The following KLHL4 variants were observed in gnomAD, a reference collection of about 807,000 sequenced individuals.
KLHL4 encodes the protein kelch-like protein 4.
A neutral mutation model predicts 45.8 loss-of-function variants in KLHL4; 17 were observed. The ratio of observed to expected loss-of-function variants is 0.37; its 90% CI spans 0.25 to 0.56. KLHL4 has a LOEUF of 0.56. Ranked by LOEUF, KLHL4 falls within the 20% of genes least tolerant of loss-of-function variation. The pLI is 0.79. For missense variants in KLHL4, 544 were observed against 544.9 expected (o/e 1.00, Z 0.02); for synonymous variants, 224 against 189.9 (o/e 1.18, Z -1.47).
chrX:87,568,652 T>G (rs1932272586), intron 1 of KLHL4, among the ~76,000 whole-genome samples: 1 of 110,876 alleles, frequency 9.0e-6, no homozygotes, highest in Non-Finnish European at 1.9e-5. Context: ...GATAGACATA[T>G]AGACCAACAA....
chrX:87,665,957 C>T (rs1307881947), intron 10 of KLHL4, among the ~76,000 whole-genome samples: 1 of 111,616 alleles, frequency 9.0e-6, no homozygotes. Context: ...AAAAAAATAT[C>T]ATGCAAGGTG....
intron 9 of KLHL4, among the ~76,000 whole-genome samples, chrX:87,647,805 A>G (rs1024896075): frequency 1.8e-5 from 2 of 111,223 alleles, no homozygotes; most frequent in Non-Finnish European, 3.8e-5. Context: ...AATAACCACT[A>G]AAGAAATTAT....
chrX:87,552,087 C>T (rs1429973921), intron 1 of KLHL4, among the ~76,000 whole-genome samples: 1 of 111,365 alleles, frequency 9.0e-6, no homozygotes, highest in Non-Finnish European at 1.9e-5. Flanking sequence ...GGCAAAAAAA[C>T]AGTCACCTGA....
chrX:87,635,199 G>C (rs1471540312), intron 8 of KLHL4, among the ~76,000 whole-genome samples: 1 of 111,834 alleles, frequency 8.9e-6, no homozygotes, highest in African/African-American at 3.2e-5. Context: ...TGCTAAAATT[G>C]TAAAGTTGTT....
intron 9 of KLHL4, among the ~76,000 whole-genome samples, chrX:87,659,150 C>T (rs1924099600): frequency 1.2e-5 from 1 of 80,459 alleles, no homozygotes; most frequent in Non-Finnish European, 2.2e-5. Context: ...GGTGGAGTCT[C>T]ACTCTGTCGC....
chrX:87,657,659 C>A (rs1179636782), intron 9 of KLHL4, among the ~76,000 whole-genome samples: 1 of 110,761 alleles, frequency 9.0e-6, no homozygotes, highest in Non-Finnish European at 1.9e-5. Flanking sequence ...AAGGCACTTG[C>A]AGGTGACAGG....
chrX:87,615,613 G>T (rs1488987197), intron 3 of KLHL4, among the ~76,000 whole-genome samples: 1 of 110,585 alleles, frequency 9.0e-6, no homozygotes, highest in African/African-American at 3.3e-5. Context: ...AATCAAATAC[G>T]GTATATGAAC....
At chrX:87,602,156 A>G (rs1271443746) in intron 1 of KLHL4, among the ~76,000 whole-genome samples, 1 of 111,829 alleles carries the variant, frequency 8.9e-6, no homozygotes, top group Non-Finnish European at 1.9e-5. Context: ...TTAAAAAATT[A>G]CAGAGAAAAT....
chrX:87,613,087 C>G lies in KLHL4; in HGVS notation c.423-790C>G, dbSNP rs377458855. Among the ~76,000 whole-genome samples, 20 of 111,710 alleles carry G rather than the reference C, an allele frequency of 1.8e-4. No homozygotes were observed. The East Asian group carries it at 5.1e-3, about 28-fold the overall frequency. On this transcript the variant is annotated intron_variant, in intron 1 of 10. Coordinates refer to ENST00000373119, the MANE Select transcript of KLHL4 (RefSeq NM_019117.5). ...TGGACCAACTGTCTTAAAAGAAACA[C>G]AGACTGAATCGGGAGTGAGGAGATC... is the stretch of plus-strand genomic sequence containing the variant.
intron 10 of KLHL4, among the ~76,000 whole-genome samples, chrX:87,665,238 A>G (rs1185676335): frequency 9.0e-6 from 1 of 111,296 alleles, no homozygotes; most frequent in African/African-American, 3.3e-5. Flanking sequence ...ATCCAATAAA[A>G]TACTTCAGTA....
chrX:87,538,306 G>A (rs894170924), intron 1 of KLHL4, among the ~76,000 whole-genome samples: 4 of 111,175 alleles, frequency 3.6e-5, no homozygotes, highest in Non-Finnish European at 5.7e-5. Context: ...ATGTCATAAC[G>A]TCAGGGTTGC....
Position 87,614,479 on chromosome X carries a change from T to A in KLHL4, c.636T>A (p.Thr212=). 8.3e-7 allele frequency: 1 copy of A among 1,208,620 alleles called. No homozygotes were observed. Among genetic ancestry groups the A allele is most frequent in the Non-Finnish European group, 1.1e-6 (1 of 892,949 alleles). ...CTGATTATTTTGCTGCAATGTTTAC[T>A]AATGATGTGCTTGAAGCCAAACAAG... ...AVSDYFAAMF[T]NDVLEAKQEE... The change falls in exon 3 of 11, where the codon ACT becomes ACA. Residue 212 remains threonine, a synonymous_variant. Coordinates refer to ENST00000373119, the MANE Select transcript of KLHL4 (RefSeq NM_019117.5).
At chrX:87,593,537 TG>T (rs770033887) in intron 1 of KLHL4, among the ~76,000 whole-genome samples, 1 of 111,846 alleles carries the variant, frequency 8.9e-6, no homozygotes, top group Non-Finnish European at 1.9e-5. Context: ...AGAATTTCTT[TG>T]GGTCTTTTTT....
intron 9 of KLHL4, among the ~76,000 whole-genome samples, chrX:87,652,803 G>A (rs1436736111): frequency 2.7e-5 from 3 of 111,842 alleles, no homozygotes; most frequent in African/African-American, 9.8e-5. Context: ...CACATTTTCA[G>A]ATATCTTTTC....
intron 9 of KLHL4, among the ~76,000 whole-genome samples, chrX:87,648,106 G>A (rs1038785363): frequency 9.0e-6 from 1 of 110,875 alleles, no homozygotes; most frequent in Non-Finnish European, 1.9e-5. Context: ...TGTATGACTA[G>A]TGTGTATCTT....
chrX:87,559,427 C>T (rs5967852), intron 1 of KLHL4, among the ~76,000 whole-genome samples: 27,682 of 110,590 alleles, frequency 0.25, 2,955 homozygotes, highest in East Asian at 0.51. Context: ...ATCTTCCCAT[C>T]GGCTCAATCT....
chrX:87,593,607 C>G (rs1307921086), intron 1 of KLHL4, among the ~76,000 whole-genome samples: 1 of 110,804 alleles, frequency 9.0e-6, no homozygotes, highest in Non-Finnish European at 1.9e-5. Flanking sequence ...CATCTAGTTT[C>G]TTTTAGGCTT....
chrX:87,638,134 G>A (rs192493582), intron 9 of KLHL4, among the ~76,000 whole-genome samples: 12 of 108,987 alleles, frequency 1.1e-4, no homozygotes, highest in African/African-American at 2.1e-4. Context: ...AACCCAATCC[G>A]ACAAAGATAA....
chrX:87,608,052 T>C (rs1023482953), intron 1 of KLHL4, among the ~76,000 whole-genome samples: 1 of 111,922 alleles, frequency 8.9e-6, no homozygotes, highest in Non-Finnish European at 1.9e-5. Flanking sequence ...AGTAACCATC[T>C]TTACCATTTA....
Sources: gnomAD v4.1 joint callset for allele counts (sites outside exome capture counted in the v4.1 genomes callset) on GRCh38, gnomAD v4.1.1 for gene constraint, MANE v1.5 for transcripts, NCBI Gene and HGNC (gene_info 2026-07-23, HGNC 2026-07-21) for gene names.